Variants in PCDH15 observed in about 807,000 individuals in gnomAD.
The protein encoded by PCDH15 is protocadherin related 15, also known as protocadherin-15.
PCDH15 carries 129 observed loss-of-function variants against 178.5 expected under a neutral mutation model. The observed-to-expected ratio is 0.72, with a 90% CI of 0.63 to 0.84. The LOEUF (loss-of-function observed/expected upper bound fraction) is 0.84. PCDH15 is among the 40% of genes least tolerant of loss of function. The probability of loss-of-function intolerance (pLI) is 0.00; values close to 1 mark genes in which losing one functional copy is unlikely to be tolerated. For synonymous variants in PCDH15, 800 were observed against 732.0 expected (o/e 1.09, Z -1.50); for missense variants, 2,230 against 2,099.9 (o/e 1.06, Z -1.21).
chr10:54,346,483 A>G lies in PCDH15; in HGVS notation c.476T>C (p.Leu159Pro), dbSNP rs1190622573. 3 of 1,613,532 alleles carry G rather than the reference A, an allele frequency of 1.9e-6. No homozygotes were observed. In the East Asian group the frequency reaches 6.7e-5, roughly 36 times the overall value. ...HESYYATVNELTPVGTTIFTG... is the reference protein window; with the variant it reads ...HESYYATVNEPTPVGTTIFTG... ...GAATATTGTGGTACCAACTGGAGTG[A>G]GCTGAAAGGAAAAAAGATTTTAAAT... is the stretch of plus-strand genomic sequence containing the variant. Residue 159 changes from leucine to proline, a missense_variant and splice_region_variant, in exon 6 of 38, where the codon CTC becomes CCC. Coordinates refer to ENST00000644397, the MANE Select transcript of PCDH15 (RefSeq NM_001384140.1).
chr10:54,111,982 A>AC (rs1205163624), intron 15 of PCDH15, among the ~76,000 whole-genome samples: 3 of 130,704 alleles, frequency 2.3e-5, no homozygotes, highest in Admixed American at 7.6e-5. Context: ...CAAAAAAAAA[A>AC]AAAAACAAAA....
chr10:54,805,673 A>G (rs2133722472), upstream of PCDH15, among the ~76,000 whole-genome samples: 1 of 152,298 alleles, frequency 6.6e-6, no homozygotes, highest in African/African-American at 2.4e-5. Flanking sequence ...GAACAGTATA[A>G]TCTTTATTTA....
chr10:54,993,839 T>G (rs1839572626), intron 2 of PCDH15, among the ~76,000 whole-genome samples: 1 of 152,202 alleles, frequency 6.6e-6, no homozygotes, highest in African/African-American at 2.4e-5. Flanking sequence ...AATTTTACTT[T>G]AATGACACGA....
At chr10:53,812,504 T>C (rs773325478) in intron 35 of PCDH15, among the ~76,000 whole-genome samples, 26 of 152,072 alleles carry the variant, frequency 1.7e-4, no homozygotes, top group Non-Finnish European at 3.5e-4. Flanking sequence ...TGAGCCACTG[T>C]GCCTGGCCTC....
At chr10:54,913,315 G>C (rs1954848773) in intron 2 of PCDH15, among the ~76,000 whole-genome samples, 1 of 152,134 alleles carries the variant, frequency 6.6e-6, no homozygotes, top group Non-Finnish European at 1.5e-5. Flanking sequence ...TCACGACATA[G>C]CACCCTGCAT....
intron 1 of PCDH15, among the ~76,000 whole-genome samples, chr10:54,693,058 G>A (rs982713943): frequency 4.6e-5 from 7 of 151,656 alleles, no homozygotes; most frequent in South Asian, 2.1e-4. Context: ...ACAGGCCCTC[G>A]TGTGTATTGT....
chr10:54,565,383 C>T (rs2088880855), intron 2 of PCDH15, among the ~76,000 whole-genome samples: 1 of 152,160 alleles, frequency 6.6e-6, no homozygotes, highest in African/African-American at 2.4e-5. Flanking sequence ...TTGATTTCCC[C>T]AGACAAGTAT....
intron 1 of PCDH15, among the ~76,000 whole-genome samples, chr10:55,208,520 C>T (rs1840469454): frequency 6.6e-6 from 1 of 152,014 alleles, no homozygotes; most frequent in African/African-American, 2.4e-5. Flanking sequence ...ATTTCTCCAA[C>T]ATTTTCCAGG....
intron 3 of PCDH15, among the ~76,000 whole-genome samples, chr10:54,407,262 G>A (rs1952804180): frequency 6.6e-6 from 1 of 152,010 alleles, no homozygotes; most frequent in African/African-American, 2.4e-5. Context: ...GTATTTAAAT[G>A]TTTTATACCT....
chr10:54,797,550 A>ACG (rs1952168075), intron 1 of PCDH15, among the ~76,000 whole-genome samples: 2 of 145,744 alleles, frequency 1.4e-5, no homozygotes, highest in South Asian at 2.1e-4. Flanking sequence ...ACACACACAC[A>ACG]CGATCATCTT....
intron 2 of PCDH15, among the ~76,000 whole-genome samples, chr10:55,556,937 T>G (rs1842102768): frequency 6.6e-6 from 1 of 152,214 alleles, no homozygotes; most frequent in African/African-American, 2.4e-5. Flanking sequence ...ATTTGCTCTT[T>G]ATTGAATGTG....
chr10:55,472,833 G>T (rs1256971895), intron 2 of PCDH15, among the ~76,000 whole-genome samples: 1 of 152,180 alleles, frequency 6.6e-6, no homozygotes, highest in Admixed American at 6.5e-5. Flanking sequence ...CTCCCAAAGT[G>T]CTGGGATTAC....
intron 9 of PCDH15, among the ~76,000 whole-genome samples, chr10:54,222,878 A>T (rs574884522): frequency 2.0e-5 from 3 of 152,312 alleles, no homozygotes; most frequent in South Asian, 4.1e-4. Flanking sequence ...TGTTGGATAC[A>T]TTTCGCAAAT....
At chr10:55,188,174 T>C (rs1281947744) in intron 1 of PCDH15, among the ~76,000 whole-genome samples, 1 of 152,002 alleles carries the variant, frequency 6.6e-6, no homozygotes, top group Non-Finnish European at 1.5e-5. Context: ...TTCTAGGAAG[T>C]GACAACCCAG....
chr10:54,288,428 C>A (rs529480118), intron 8 of PCDH15, among the ~76,000 whole-genome samples: 2 of 152,242 alleles, frequency 1.3e-5, no homozygotes, highest in African/African-American at 4.8e-5. Context: ...AGGAACAGCT[C>A]CGGTCTGCAG....
intron 8 of PCDH15, among the ~76,000 whole-genome samples, chr10:54,273,570 T>C (rs1253201220): frequency 6.6e-6 from 1 of 152,018 alleles, no homozygotes; most frequent in African/African-American, 2.4e-5. Flanking sequence ...AACTTAATTT[T>C]GAATATATAA....
At chr10:55,101,543 G>A (rs996274800) in intron 2 of PCDH15, among the ~76,000 whole-genome samples, 6 of 151,812 alleles carry the variant, frequency 4.0e-5, no homozygotes. Flanking sequence ...GGGAATAAGT[G>A]TATTTTCGAC....
At chr10:54,210,668 T>C (rs756985552) in intron 10 of PCDH15, among the ~76,000 whole-genome samples, 4 of 151,948 alleles carry the variant, frequency 2.6e-5, no homozygotes, top group East Asian at 1.9e-4. Flanking sequence ...AATGCTTAGA[T>C]GTCAGAAAGA....
chr10:54,866,237 T>C (rs1953939816), intron 3 of PCDH15, among the ~76,000 whole-genome samples: 1 of 152,204 alleles, frequency 6.6e-6, no homozygotes, highest in African/African-American at 2.4e-5. Context: ...TATTGCTTTT[T>C]TTCATCCTAA....
Sources: gnomAD v4.1 joint callset for allele counts (sites outside exome capture counted in the v4.1 genomes callset) on GRCh38, gnomAD v4.1.1 for gene constraint, MANE v1.5 for transcripts, NCBI Gene and HGNC (gene_info 2026-07-23, HGNC 2026-07-21) for gene names.